Variants in SEC23A observed in about 807,000 individuals in gnomAD.
SEC23A encodes the protein protein transport protein Sec23A.
SEC23A carries 56 observed loss-of-function variants against 103.7 expected under a neutral mutation model. That is an observed-to-expected ratio of 0.54 (90% CI 0.44 to 0.67). The LOEUF is 0.67. Ranked by LOEUF, SEC23A falls within the 30% of genes least tolerant of loss-of-function variation. The probability of loss-of-function intolerance (pLI) is 0.00; values close to 1 mark genes in which losing one functional copy is unlikely to be tolerated. For missense variants in SEC23A, 784 were observed against 936.4 expected, an observed-to-expected ratio of 0.84 and a Z score of 2.12; for synonymous variants, 281 against 293.0, an observed-to-expected ratio of 0.96 and a Z score of 0.42.
intron 2 of SEC23A, among the ~76,000 whole-genome samples, chr14:39,095,553 T>C (rs1345825480): frequency 6.6e-6 from 1 of 152,122 alleles, no homozygotes; most frequent in Non-Finnish European, 1.5e-5. Context: ...CACCTCGGCC[T>C]CCCAAAGTGC....
chr14:39,091,326 T>G, intron 5 of SEC23A, 151 bp downstream of exon 5: 1 of 636,572 alleles, frequency 1.6e-6, no homozygotes. Flanking sequence ...AAAAGAAAAC[T>G]GAAGCCAGCA....
chr14:39,036,341 A>AT (rs1362066697), intron 19 of SEC23A, among the ~76,000 whole-genome samples: 184 of 147,570 alleles, frequency 1.2e-3, no homozygotes, highest in Non-Finnish European at 2.0e-3. Context: ...AAAAAAAAAA[A>AT]AAAAGAACAT....
intron 2 of SEC23A, chr14:39,095,020 G>A (rs916564981): frequency 1.4e-6 from 1 of 698,996 alleles, no homozygotes; most frequent in African/African-American, 1.8e-5. Context: ...ACAGACTGCT[G>A]AAAGACAAGA....
chr14:39,052,388 A>C (rs1012485376), intron 14 of SEC23A, among the ~76,000 whole-genome samples: 1 of 152,214 alleles, frequency 6.6e-6, no homozygotes, highest in Non-Finnish European at 1.5e-5. Flanking sequence ...AATTCTAGAC[A>C]TAAGTCTTCA....
chr14:39,067,387 C>T lies in SEC23A; in HGVS notation c.1104-91G>A, dbSNP rs917017357. ...AGAAGAAAATTACCTCTCAAAACTA[C>T]CAATAAATTTTAAAGATATTTCCCA... On this transcript the variant is annotated intron_variant, in intron 9 of 19. Transcript: ENST00000307712. 1.3e-5 allele frequency: 18 copies of T among 1,398,098 alleles called. No homozygotes were observed. In the African/African-American group the frequency reaches 2.2e-4, roughly 17 times the overall value. 86.6% of individuals were successfully genotyped at this position (1,398,098 alleles called of 1,614,324 possible). A position where few individuals can be genotyped will look rare whatever the true frequency, so the allele number is the denominator to read the frequency against.
At chr14:39,045,539 A>T (rs1222400594) in intron 15 of SEC23A, among the ~76,000 whole-genome samples, 1 of 152,170 alleles carries the variant, frequency 6.6e-6, no homozygotes, top group Non-Finnish European at 1.5e-5. Context: ...AATTTAAGAA[A>T]GAAAAAAAAA....
rs369778560 is a variant in SEC23A at position 39,086,951 on chromosome 14, G to A, written c.661C>T (p.Gln221Ter). 4 of 1,595,746 alleles carry A rather than the reference G, an allele frequency of 2.5e-6. No individual in the cohort carries two copies. The highest frequency in any genetic ancestry group is 3.4e-6 in the Non-Finnish European group (4 of 1,163,224). Residue 221 changes from glutamine to a stop codon, truncating the protein, a stop_gained, in exon 6 of 20, where the codon CAG becomes TAG. Coordinates refer to ENST00000307712, the MANE Select transcript of SEC23A (RefSeq NM_006364.4). LOFTEE classifies it high-confidence loss of function. Reference protein sequence around the residue: ...LTQATRGPQVQQPPPSNRFLQ... With the variant: ...LTQATRGPQV ...TACCTGTTGGAAGGAGGTGGCTGCT[G>A]TACCTGAGGACCACGTGTTGCTTGA...
chr14:39,047,136 G>A (rs1057421895), intron 15 of SEC23A, among the ~76,000 whole-genome samples: 5 of 152,116 alleles, frequency 3.3e-5, no homozygotes, highest in Non-Finnish European at 7.4e-5. Context: ...ATCAGACTTT[G>A]AAAACCCAAG....
intron 13 of SEC23A, among the ~76,000 whole-genome samples, chr14:39,059,554 A>G (rs981459375): frequency 5.3e-5 from 8 of 152,274 alleles, no homozygotes; most frequent in Non-Finnish European, 1.2e-4. Flanking sequence ...TTTCAAACAT[A>G]AAGACAGTAA....
chr14:39,084,115 G>A (rs890236995), intron 7 of SEC23A, among the ~76,000 whole-genome samples: 8 of 151,660 alleles, frequency 5.3e-5, no homozygotes, highest in Non-Finnish European at 8.8e-5. Context: ...TCCACCTTCC[G>A]GGTTCAAGCG....
At chr14:39,098,498 A>T (rs1566518365) in intron 1 of SEC23A, among the ~76,000 whole-genome samples, 1 of 152,110 alleles carries the variant, frequency 6.6e-6, no homozygotes, top group Admixed American at 6.5e-5. Context: ...TTTTAAGGCC[A>T]GGCACAGTGG....
intron 9 of SEC23A, among the ~76,000 whole-genome samples, chr14:39,073,707 T>A (rs1010099978): frequency 1.3e-5 from 2 of 148,942 alleles, no homozygotes; most frequent in African/African-American, 5.0e-5. Flanking sequence ...CCACCCGGGT[T>A]CAAGCAATTC....
At chr14:39,081,487 T>C (rs1887223764) in intron 7 of SEC23A, among the ~76,000 whole-genome samples, 1 of 152,190 alleles carries the variant, frequency 6.6e-6, no homozygotes, top group Non-Finnish European at 1.5e-5. Context: ...CCCACTTAAC[T>C]TTTGAACATT....
chr14:39,085,695 C>A, intron 7 of SEC23A, 67 bp downstream of exon 7: 1 of 974,664 alleles, frequency 1.0e-6, no homozygotes, highest in Non-Finnish European at 1.4e-6. Flanking sequence ...TATATACACA[C>A]ACACACACAC....
At chr14:39,099,410 G>A (rs1407944085) in intron 1 of SEC23A, among the ~76,000 whole-genome samples, 2 of 151,844 alleles carry the variant, frequency 1.3e-5, no homozygotes, top group African/African-American at 4.8e-5. Context: ...CGCCGGCCTC[G>A]GCCTCCCAAA....
At chr14:39,094,431 TA>T (rs1566515225) in intron 2 of SEC23A, among the ~76,000 whole-genome samples, 14 of 50,376 alleles carry the variant, frequency 2.8e-4, no homozygotes, top group African/African-American at 1.9e-3. Context: ...TATATATATA[TA>T]TATATATATA....
intron 7 of SEC23A, among the ~76,000 whole-genome samples, chr14:39,082,142 T>G (rs1469388818): frequency 3.3e-5 from 5 of 152,066 alleles, no homozygotes; most frequent in Non-Finnish European, 7.4e-5. Flanking sequence ...CGGGGAAAAC[T>G]TAAGCATCAA....
At chr14:39,035,365 G>C (rs1191125427) in intron 19 of SEC23A, among the ~76,000 whole-genome samples, 1 of 152,156 alleles carries the variant, frequency 6.6e-6, no homozygotes, top group East Asian at 1.9e-4. Context: ...TTACACTTCA[G>C]AGTTTAAAAT....
intron 16 of SEC23A, among the ~76,000 whole-genome samples, chr14:39,043,508 C>T (rs147883147): frequency 6.6e-6 from 1 of 152,212 alleles, no homozygotes; most frequent in East Asian, 1.9e-4. Flanking sequence ...AATAGTTCTG[C>T]ATATGAAATG....
Sources: gnomAD v4.1 joint callset for allele counts (sites outside exome capture counted in the v4.1 genomes callset) on GRCh38, gnomAD v4.1.1 for gene constraint, MANE v1.5 for transcripts, NCBI Gene and HGNC (gene_info 2026-07-23, HGNC 2026-07-21) for gene names.